VEGFC: variants seen among roughly 807,000 people sequenced by gnomAD.
VEGFC encodes FLT4 ligand DHM.
In VEGFC, 12 loss-of-function variants were observed where a neutral mutation model predicts 46.1. The ratio of observed to expected loss-of-function variants is 0.26; its 90% CI spans 0.17 to 0.42. VEGFC has a LOEUF of 0.42. VEGFC is among the 10% of genes least tolerant of loss of function. The pLI is 1.00. For synonymous variants in VEGFC, 232 were observed against 195.5 expected, an observed-to-expected ratio of 1.19 and a Z score of -1.56; for missense variants, 488 against 529.4, an observed-to-expected ratio of 0.92 and a Z score of 0.77.
At chr4:176,774,987 C>T (rs1735791966) in intron 1 of VEGFC, among the ~76,000 whole-genome samples, 1 of 152,134 alleles carries the variant, frequency 6.6e-6, no homozygotes, top group Admixed American at 6.5e-5. Context: ...ATGTGAACAC[C>T]TCATATGGTC....
At chr4:176,722,799 G>A (rs370841157) in intron 3 of VEGFC, among the ~76,000 whole-genome samples, 48 of 152,044 alleles carry the variant, frequency 3.2e-4, no homozygotes, top group Admixed American at 1.4e-3. Context: ...AGTGCCCAGC[G>A]AAGCCTTGCA....
At chr4:176,768,812 A>G (rs1457658006) in intron 1 of VEGFC, among the ~76,000 whole-genome samples, 1 of 151,912 alleles carries the variant, frequency 6.6e-6, no homozygotes, top group Non-Finnish European at 1.5e-5. Context: ...TAAACTGTTT[A>G]CCCTACTCTA....
intron 1 of VEGFC, among the ~76,000 whole-genome samples, chr4:176,781,464 A>G (rs1362659274): frequency 6.6e-6 from 1 of 152,232 alleles, no homozygotes; most frequent in African/African-American, 2.4e-5. Flanking sequence ...GTAGGCAATG[A>G]TATTATAGTA....
chr4:176,761,039 G>A (rs1320569788), intron 1 of VEGFC, among the ~76,000 whole-genome samples: 1 of 152,210 alleles, frequency 6.6e-6, no homozygotes, highest in Non-Finnish European at 1.5e-5. Flanking sequence ...CACTTCAGAA[G>A]TGGAAGGGGA....
chr4:176,763,367 T>C (rs1249810871), intron 1 of VEGFC, among the ~76,000 whole-genome samples: 1 of 34,022 alleles, frequency 2.9e-5, no homozygotes, highest in Non-Finnish European at 8.3e-5. Context: ...AAAAAAACTA[T>C]AGTTAACATG....
intron 1 of VEGFC, among the ~76,000 whole-genome samples, chr4:176,740,298 A>C (rs1348981960): frequency 8.3e-6 from 1 of 120,920 alleles, no homozygotes; most frequent in Non-Finnish European, 1.6e-5. Flanking sequence ...ATATATCTAT[A>C]TAGAGTATAT....
At chr4:176,760,213 T>C (rs1240066391) in intron 1 of VEGFC, among the ~76,000 whole-genome samples, 1 of 152,178 alleles carries the variant, frequency 6.6e-6, no homozygotes, top group East Asian at 1.9e-4. Flanking sequence ...TTAATGGTGA[T>C]AGTACAGATA....
At chr4:176,715,276 T>C (rs1305795017) in intron 3 of VEGFC, among the ~76,000 whole-genome samples, 2 of 152,206 alleles carry the variant, frequency 1.3e-5, no homozygotes, top group Admixed American at 1.3e-4. Context: ...TTAAAAAATT[T>C]TGTTCTTCTC....
intron 3 of VEGFC, among the ~76,000 whole-genome samples, chr4:176,727,456 T>G (rs2111015800): frequency 6.6e-6 from 1 of 152,304 alleles, no homozygotes; most frequent in African/African-American, 2.4e-5. Flanking sequence ...TGAACATGTT[T>G]ATTCTTGAAG....
intron 4 of VEGFC, among the ~76,000 whole-genome samples, chr4:176,690,328 CTTT>C (rs201626928): frequency 5.7e-5 from 8 of 140,920 alleles, no homozygotes; most frequent in African/African-American, 1.5e-4. Context: ...CAGCAAGTTT[CTTT>C]TTTTTTTTTT....
chr4:176,737,961 C>T (rs1035570455), intron 1 of VEGFC, among the ~76,000 whole-genome samples: 1 of 151,646 alleles, frequency 6.6e-6, no homozygotes, highest in African/African-American at 2.4e-5. Context: ...ACAAACTGTC[C>T]TCTTGAAAGA....
intron 1 of VEGFC, among the ~76,000 whole-genome samples, chr4:176,780,025 C>A (rs1293173314): frequency 6.6e-6 from 1 of 152,186 alleles, no homozygotes; most frequent in Non-Finnish European, 1.5e-5. Flanking sequence ...TTAACTGGAA[C>A]TTGTTGCAGT....
chr4:176,747,444 C>T (rs1266171310), intron 1 of VEGFC, among the ~76,000 whole-genome samples: 1 of 151,958 alleles, frequency 6.6e-6, no homozygotes, highest in Admixed American at 6.6e-5. Flanking sequence ...ACTGTGACTG[C>T]AAACCCTGGG....
chr4:176,776,727 A>G (rs1443863553), intron 1 of VEGFC, among the ~76,000 whole-genome samples: 1 of 152,262 alleles, frequency 6.6e-6, no homozygotes, highest in East Asian at 1.9e-4. Flanking sequence ...TATTCAATAA[A>G]ATATGGTGCA....
In VEGFC at chr4:176,766,678, G is replaced by A. The variant is rs193072825; in HGVS notation, c.147+25487C>T. Among the ~76,000 whole-genome samples the A allele has an allele frequency of 3.2e-4, 49 of 151,802 alleles. 1 individual carries two copies. The highest frequency in any genetic ancestry group is 1.9e-3 in the East Asian group (10 of 5,176). ...TACTAATGCCAGAGAGCATACAATCGTAAAACAGAGTCCAGAAAGAAACCG... is the reference window on the plus strand; with the variant it reads ...TACTAATGCCAGAGAGCATACAATCATAAAACAGAGTCCAGAAAGAAACCG... On this transcript the variant is annotated intron_variant, in intron 1 of 6. Transcript: ENST00000618562.
rs1235658651 is a variant in VEGFC at position 176,759,274 on chromosome 4, C to T, written c.148-29528G>A. On this transcript the variant is annotated intron_variant, in intron 1 of 6. Transcript: ENST00000618562. ...TGGGACAGTGGGGGGAAAAAAGGTA[C>T]TTTGTTCAACCATAAAAAAGAAGGA... is the stretch of plus-strand genomic sequence containing the variant. Among the ~76,000 whole-genome samples, 3 of 151,914 alleles carry T rather than the reference C, an allele frequency of 2.0e-5. No homozygotes were observed. In the East Asian group the frequency reaches 5.8e-4, roughly 29 times the overall value.
At chr4:176,790,411 T>C (rs926079868) in intron 1 of VEGFC, among the ~76,000 whole-genome samples, 1 of 152,190 alleles carries the variant, frequency 6.6e-6, no homozygotes, top group African/African-American at 2.4e-5. Flanking sequence ...TTCACAGCAA[T>C]GGTAAAATTT....
chr4:176,767,821 T>A (rs1283176145), intron 1 of VEGFC, among the ~76,000 whole-genome samples: 1 of 152,124 alleles, frequency 6.6e-6, no homozygotes. Flanking sequence ...CAGTTGAGAA[T>A]ACACTCTAGG....
At chr4:176,690,394 T>C (rs1734134490) in intron 4 of VEGFC, among the ~76,000 whole-genome samples, 1 of 152,086 alleles carries the variant, frequency 6.6e-6, no homozygotes, top group Non-Finnish European at 1.5e-5. Context: ...ATTGCATATA[T>C]GTTTTTTCAC....
Sources: allele counts gnomAD v4.1 joint callset (sites outside exome capture counted in the v4.1 genomes callset), GRCh38; gene constraint gnomAD v4.1.1; transcripts MANE v1.5; gene names NCBI Gene and HGNC (gene_info 2026-07-23, HGNC 2026-07-21).